CDIN1: variants seen among roughly 807,000 people sequenced by gnomAD.
CDIN1 encodes CDAN1-interacting nuclease 1.
A neutral mutation model predicts 45.3 loss-of-function variants in CDIN1; 33 were observed. The observed-to-expected ratio is 0.73, with a 90% CI of 0.55 to 0.97. The LOEUF (loss-of-function observed/expected upper bound fraction) is 0.97. Among genes scored for constraint, CDIN1 ranks in the 50% least tolerant of loss-of-function variants. The pLI is 0.00. For synonymous variants in CDIN1, 118 were observed against 124.4 expected, an observed-to-expected ratio of 0.95 and a Z score of 0.34; for missense variants, 303 against 339.4, an observed-to-expected ratio of 0.89 and a Z score of 0.84.
intron 1 of CDIN1, among the ~76,000 whole-genome samples, chr15:36,634,862 TG>T (rs1306377552): frequency 6.6e-6 from 1 of 152,244 alleles, no homozygotes; most frequent in East Asian, 1.9e-4. Context: ...TATGCATTTT[TG>T]TTTTTTCCAT....
chr15:36,737,061 G>A (rs2140927766), intron 10 of CDIN1, among the ~76,000 whole-genome samples: 1 of 151,928 alleles, frequency 6.6e-6, no homozygotes, highest in Non-Finnish European at 1.5e-5. Flanking sequence ...CCAGCTACTT[G>A]GGAGGCTGAG....
At chr15:36,754,901 T>G (rs1410917381) in intron 10 of CDIN1, among the ~76,000 whole-genome samples, 1 of 152,134 alleles carries the variant, frequency 6.6e-6, no homozygotes, top group Non-Finnish European at 1.5e-5. Flanking sequence ...TCTTTGATTT[T>G]TCTACCAAAA....
chr15:36,720,134 T>C (rs1397315950), intron 10 of CDIN1, among the ~76,000 whole-genome samples: 1 of 151,128 alleles, frequency 6.6e-6, no homozygotes, highest in Admixed American at 6.6e-5. Flanking sequence ...TATTTTCTTT[T>C]TGTGTATTAA....
intron 10 of CDIN1, among the ~76,000 whole-genome samples, chr15:36,740,341 G>T (rs565088737): frequency 6.6e-6 from 1 of 152,200 alleles, no homozygotes; most frequent in East Asian, 1.9e-4. Flanking sequence ...TACGTAAGAG[G>T]AGATAGTAAA....
At chr15:36,755,088 T>C (rs1409899838) in intron 10 of CDIN1, among the ~76,000 whole-genome samples, 1 of 152,192 alleles carries the variant, frequency 6.6e-6, no homozygotes, top group East Asian at 1.9e-4. Flanking sequence ...CATAGCAATA[T>C]TGACAGTGTT....
chr15:36,810,237 A>C lies in CDIN1; in HGVS notation c.*1784A>C, dbSNP rs2055352472. ...TGAACGTGAACAAATAAATTAAAAA[A>C]TAAAAAAGGTACTTGCGTTTTGTAT... On this transcript the variant is annotated 3_prime_UTR_variant, in exon 11 of 11. Coordinates refer to ENST00000566621, the MANE Select transcript of CDIN1 (RefSeq NM_001321759.2). The C allele has an allele frequency of 6.6e-6, 1 of 152,212 alleles. No individual in the cohort carries two copies. The highest frequency in any genetic ancestry group is 2.1e-4 in the South Asian group (1 of 4,836). 9.4% of individuals were successfully genotyped at this position (152,212 alleles called of 1,614,324 possible).
At chr15:36,674,567 G>A (rs1369844364) in intron 5 of CDIN1, among the ~76,000 whole-genome samples, 1 of 152,128 alleles carries the variant, frequency 6.6e-6, no homozygotes, top group Non-Finnish European at 1.5e-5. Flanking sequence ...TTTTGCAGAA[G>A]CAGCGTCAAA....
At chr15:36,747,834 G>A (rs1435884784) in intron 10 of CDIN1, among the ~76,000 whole-genome samples, 2 of 151,680 alleles carry the variant, frequency 1.3e-5, no homozygotes, top group African/African-American at 4.8e-5. Context: ...TCAGACCCCC[G>A]AGCCAACCAC....
chr15:36,692,303 C>A, intron 7 of CDIN1, 128 bp downstream of exon 7: 1 of 839,434 alleles, frequency 1.2e-6, no homozygotes, highest in Non-Finnish European at 1.8e-6. Flanking sequence ...ATTTTACATT[C>A]AATCAACTGG....
In CDIN1 at chr15:36,709,237, C is replaced by T. The variant is rs2042970321; in HGVS notation, c.559C>T (p.Arg187Cys). ...TCTTCCTGTAGATGAAGATCAGCTT[C>T]GTGCAAAGGGTTATGACAAAACACC... Reference protein sequence around the residue: ...NLSFLDEDQLRAKGYDKTPDF... With the variant: ...NLSFLDEDQLCAKGYDKTPDF... The change falls in exon 9 of 11, where the codon CGT becomes TGT. Residue 187 changes from arginine (R) to cysteine (C), a missense_variant. Arg to Cys is a radical substitution (Grantham distance 180). Coordinates refer to ENST00000566621, the MANE Select transcript of CDIN1 (RefSeq NM_001321759.2). 5 of 1,599,976 alleles carry T rather than the reference C, an allele frequency of 3.1e-6. No homozygotes were observed. The highest frequency in any genetic ancestry group is 2.7e-5 in the African/African-American group (2 of 74,616).
chr15:36,643,820 T>G (rs1176132129), intron 1 of CDIN1, among the ~76,000 whole-genome samples: 4 of 152,186 alleles, frequency 2.6e-5, no homozygotes, highest in Non-Finnish European at 5.9e-5. Flanking sequence ...ACCAAAGTTT[T>G]CTCCCTGAAA....
At chr15:36,618,919 G>T in intron 1 of CDIN1, 1 of 1,414,304 alleles carries the variant, frequency 7.1e-7, no homozygotes, top group South Asian at 1.2e-5. Context: ...TAGCTACACC[G>T]TGACTCTACA....
chr15:36,689,263 A>G (rs532722219), intron 5 of CDIN1, among the ~76,000 whole-genome samples: 6 of 152,270 alleles, frequency 3.9e-5, no homozygotes, highest in Non-Finnish European at 7.4e-5. Context: ...ATAAATGACT[A>G]CTTTTCTTAT....
At chr15:36,637,827 A>G (rs979323129) in intron 1 of CDIN1, among the ~76,000 whole-genome samples, 4 of 152,250 alleles carry the variant, frequency 2.6e-5, no homozygotes, top group Non-Finnish European at 4.4e-5. Flanking sequence ...TGCAGAGTGC[A>G]TGCTGTGTAA....
intron 10 of CDIN1, among the ~76,000 whole-genome samples, chr15:36,718,974 A>G (rs1282386930): frequency 6.6e-6 from 1 of 151,964 alleles, no homozygotes; most frequent in Non-Finnish European, 1.5e-5. Context: ...CTGTAATCCC[A>G]GCACTTTGGG....
Position 36,579,845 on chromosome 15 carries a change from T to C in CDIN1, c.-16T>C. On this transcript the variant is annotated 5_prime_UTR_variant, in exon 1 of 11. Coordinates refer to ENST00000566621, the MANE Select transcript of CDIN1 (RefSeq NM_001321759.2). The stretch of plus-strand genomic sequence containing the variant: ...TTTTTTCCTTGTTCCCGCCACCTCC[T>C]GGTCCCTGGCCCAACATGATACTGA... 8 of 1,608,374 alleles carry C rather than the reference T, an allele frequency of 5.0e-6. No homozygotes were observed. Among genetic ancestry groups the C allele is most frequent in the Non-Finnish European group, 6.8e-6 (8 of 1,176,906 alleles).
intron 10 of CDIN1, among the ~76,000 whole-genome samples, chr15:36,740,875 G>C (rs1249620217): frequency 6.7e-6 from 1 of 149,820 alleles, no homozygotes; most frequent in East Asian, 1.9e-4. Context: ...GGCAACAAGA[G>C]CGAGACTCCA....
At chr15:36,611,819 T>A (rs2038664966) in intron 1 of CDIN1, among the ~76,000 whole-genome samples, 1 of 152,240 alleles carries the variant, frequency 6.6e-6, no homozygotes, top group South Asian at 2.1e-4. Context: ...TACACTCTGT[T>A]ATTCACCAAT....
chr15:36,756,847 G>T (rs375788658), intron 10 of CDIN1, among the ~76,000 whole-genome samples: 1 of 152,170 alleles, frequency 6.6e-6, no homozygotes, highest in African/African-American at 2.4e-5. Context: ...TTTTCGAGTG[G>T]TAATAAGGAC....
Sources: gnomAD v4.1 joint callset for allele counts (sites outside exome capture counted in the v4.1 genomes callset) on GRCh38, gnomAD v4.1.1 for gene constraint, MANE v1.5 for transcripts, NCBI Gene and HGNC (gene_info 2026-07-23, HGNC 2026-07-21) for gene names.